TRERF1: variants seen among roughly 807,000 people sequenced by gnomAD.
TRERF1 encodes the protein transcriptional regulating factor 1.
Under a neutral mutation model 122.9 loss-of-function variants are expected in TRERF1, and 27 were observed. That is an observed-to-expected ratio of 0.22 (90% CI 0.16 to 0.30). The LOEUF (loss-of-function observed/expected upper bound fraction) is 0.30. Among genes scored for constraint, TRERF1 ranks in the 10% least tolerant of loss-of-function variants. The pLI, the probability that TRERF1 is intolerant of heterozygous loss-of-function variation, is 1.00. For synonymous variants in TRERF1, 636 were observed against 641.7 expected (o/e 0.99, Z 0.13); for missense variants, 1,248 against 1,560.3 (o/e 0.80, Z 3.37).
intron 17 of TRERF1, among the ~76,000 whole-genome samples, chr6:42,229,282 T>C (rs116033174): frequency 0.012 from 1,863 of 152,246 alleles, 42 homozygotes; most frequent in African/African-American, 0.042. Context: ...GGACTACAGG[T>C]ACATACCACC....
chr6:42,317,046 A>G (rs1762610003), intron 3 of TRERF1, among the ~76,000 whole-genome samples: 1 of 152,114 alleles, frequency 6.6e-6, no homozygotes, highest in African/African-American at 2.4e-5. Flanking sequence ...TGGCCCCCTA[A>G]TGTAGAGGCT....
chr6:42,323,669 C>T (rs2150488105), intron 3 of TRERF1, among the ~76,000 whole-genome samples: 1 of 144,862 alleles, frequency 6.9e-6, no homozygotes, highest in East Asian at 1.9e-4. Flanking sequence ...GATAAGCACC[C>T]AGTGAAAAAG....
chr6:42,364,522 T>C (rs1772361504), intron 2 of TRERF1, among the ~76,000 whole-genome samples: 1 of 152,194 alleles, frequency 6.6e-6, no homozygotes, highest in South Asian at 2.1e-4. Flanking sequence ...AAAGACTTTG[T>C]ATGATGGAAT....
chr6:42,403,632 G>T (rs1207895201), intron 2 of TRERF1, among the ~76,000 whole-genome samples: 1 of 152,186 alleles, frequency 6.6e-6, no homozygotes, highest in South Asian at 2.1e-4. Flanking sequence ...CATCCGGTAT[G>T]TAGTACTTTG....
In TRERF1 at chr6:42,273,569, C is replaced by T. The variant is rs191247418; in HGVS notation, c.-258-3721G>A. On this transcript the variant is annotated intron_variant, in intron 4 of 17. Coordinates refer to ENST00000372922, the Ensembl canonical transcript of TRERF1. ...GGTGGAGAGGACCAGGAAGGGTATTCCAGACAGGGAACAGCATAAACAAAG... is the reference window on the plus strand; with the variant it reads ...GGTGGAGAGGACCAGGAAGGGTATTTCAGACAGGGAACAGCATAAACAAAG... 7.9e-5 allele frequency among the ~76,000 whole-genome samples: 12 copies of T among 152,262 alleles called. No homozygotes were observed. In the East Asian group the frequency reaches 2.3e-3, roughly 29 times the overall value.
At chr6:42,352,838 GATC>G (rs1195698027) in intron 3 of TRERF1, among the ~76,000 whole-genome samples, 1 of 152,192 alleles carries the variant, frequency 6.6e-6, no homozygotes, top group Middle Eastern at 3.4e-3. Flanking sequence ...ATGAAAATGA[GATC>G]ATCTTTATCT....
At chr6:42,265,690 G>T in intron 6 of TRERF1, 61 bp downstream of exon 6, 1 of 1,518,376 alleles carries the variant, frequency 6.6e-7, no homozygotes, top group East Asian at 2.3e-5. Flanking sequence ...TGAATCATGA[G>T]AGACACCCCA....
At chr6:42,413,543 C>T (rs1781414211) in intron 2 of TRERF1, among the ~76,000 whole-genome samples, 1 of 151,532 alleles carries the variant, frequency 6.6e-6, no homozygotes, top group Non-Finnish European at 1.5e-5. Flanking sequence ...GATTCTCCTG[C>T]CTCAGCCTCC....
chr6:42,261,820 C>T (rs556262421), intron 8 of TRERF1, among the ~76,000 whole-genome samples: 20 of 152,272 alleles, frequency 1.3e-4, no homozygotes, highest in African/African-American at 3.1e-4. Flanking sequence ...TCATCCCTTC[C>T]TTCAAAATCC....
intron 9 of TRERF1, 148 bp from the exon 10 acceptor site, chr6:42,258,349 C>G (rs971529846): frequency 9.8e-6 from 7 of 710,854 alleles, no homozygotes; most frequent in Middle Eastern, 2.4e-4. Flanking sequence ...TTCCAGGGAG[C>G]TGGGTGGAGT....
chr6:42,284,354 C>T (rs746505442), intron 4 of TRERF1, among the ~76,000 whole-genome samples: 3 of 152,026 alleles, frequency 2.0e-5, no homozygotes, highest in Admixed American at 6.6e-5. Flanking sequence ...GCGTGAGCCA[C>T]GGCACCACAG....
intron 3 of TRERF1, among the ~76,000 whole-genome samples, chr6:42,327,269 T>C (rs1264848412): frequency 1.3e-5 from 2 of 152,126 alleles, no homozygotes; most frequent in East Asian, 1.9e-4. Context: ...CCCAAAGTGG[T>C]TTCACCCATA....
intron 2 of TRERF1, among the ~76,000 whole-genome samples, chr6:42,403,461 T>C (rs567955193): frequency 2.0e-5 from 3 of 152,142 alleles, no homozygotes; most frequent in Admixed American, 6.5e-5. Context: ...GTGATGTTGC[T>C]ACAAGCCAAG....
intron 2 of TRERF1, among the ~76,000 whole-genome samples, chr6:42,386,671 C>G (rs987997325): frequency 6.6e-6 from 1 of 152,188 alleles, no homozygotes; most frequent in Non-Finnish European, 1.5e-5. Context: ...CACCTCTAAG[C>G]TGCAAAATTA....
chr6:42,245,446 G>A (rs1434969374), intron 14 of TRERF1, among the ~76,000 whole-genome samples: 1 of 152,236 alleles, frequency 6.6e-6, no homozygotes, highest in Non-Finnish European at 1.5e-5. Flanking sequence ...TCAGCCAGGG[G>A]CCAGTGGGTG....
chr6:42,444,465 C>T (rs1787112051), intron 2 of TRERF1, among the ~76,000 whole-genome samples: 1 of 152,134 alleles, frequency 6.6e-6, no homozygotes, highest in Admixed American at 6.5e-5. Context: ...GGTATCAAGT[C>T]CTAAGCCCAA....
chr6:42,273,332 T>C (rs35295932), intron 4 of TRERF1, among the ~76,000 whole-genome samples: 5,000 of 152,128 alleles, frequency 0.033, 81 homozygotes, highest in Non-Finnish European at 0.037. Context: ...CAGCACACTG[T>C]AGGACTCCAA....
intron 2 of TRERF1, among the ~76,000 whole-genome samples, chr6:42,434,510 G>C (rs1478257701): frequency 1.3e-5 from 2 of 151,696 alleles, no homozygotes; most frequent in African/African-American, 4.8e-5. Context: ...ATTTCCAAAG[G>C]ACTGAAAGAA....
intron 3 of TRERF1, among the ~76,000 whole-genome samples, chr6:42,334,155 T>C (rs551852160): frequency 7.9e-5 from 12 of 151,248 alleles, no homozygotes; most frequent in African/African-American, 2.9e-4. Flanking sequence ...TATAGAAATC[T>C]AAAAATAAAA....
Sources: allele counts gnomAD v4.1 joint callset (sites outside exome capture counted in the v4.1 genomes callset), GRCh38; gene constraint gnomAD v4.1.1; transcripts MANE v1.5; gene names NCBI Gene and HGNC (gene_info 2026-07-23, HGNC 2026-07-21).